RBFOX3: variants seen among roughly 807,000 people sequenced by gnomAD.
The protein encoded by RBFOX3 is RNA binding fox-1 homolog 3.
RBFOX3 carries 17 observed loss-of-function variants against 48.7 expected under a neutral mutation model. The observed-to-expected ratio is 0.35, with a 90% CI of 0.24 to 0.52. The LOEUF is 0.52. Among genes scored for constraint, RBFOX3 ranks in the 20% least tolerant of loss-of-function variants. The pLI, the probability that RBFOX3 is intolerant of heterozygous loss-of-function variation, is 0.94. For missense variants in RBFOX3, 382 were observed against 497.5 expected, an observed-to-expected ratio of 0.77 and a Z score of 2.21; for synonymous variants, 212 against 209.5, an observed-to-expected ratio of 1.01 and a Z score of -0.10.
intron 1 of RBFOX3, among the ~76,000 whole-genome samples, chr17:79,588,567 A>G (rs2093323322): frequency 6.6e-6 from 1 of 152,102 alleles, no homozygotes; most frequent in Non-Finnish European, 1.5e-5. Context: ...AGCCCACCCC[A>G]CACCCCCTTC....
At chr17:79,449,446 C>T (rs1267684155) in intron 2 of RBFOX3, among the ~76,000 whole-genome samples, 6 of 152,194 alleles carry the variant, frequency 3.9e-5, no homozygotes, top group African/African-American at 1.4e-4. Flanking sequence ...TGGGCTCTCC[C>T]CAAAGCTCAC....
At chr17:79,216,361 G>A (rs745662491) in intron 4 of RBFOX3, among the ~76,000 whole-genome samples, 8 of 152,242 alleles carry the variant, frequency 5.3e-5, no homozygotes, top group Non-Finnish European at 1.2e-4. Flanking sequence ...TGGAGACCAT[G>A]GGGACCACGG....
intron 1 of RBFOX3, among the ~76,000 whole-genome samples, chr17:79,575,078 C>A (rs959970772): frequency 6.6e-6 from 1 of 152,200 alleles, no homozygotes; most frequent in African/African-American, 2.4e-5. Context: ...GGGTCTACCC[C>A]CTAGGTTCTG....
At chr17:79,306,431 C>G (rs546180498) in intron 3 of RBFOX3, among the ~76,000 whole-genome samples, 39 of 152,372 alleles carry the variant, frequency 2.6e-4, no homozygotes, top group African/African-American at 8.4e-4. Flanking sequence ...GCAACGGAGC[C>G]TGCTGCCAGC....
intron 5 of RBFOX3, among the ~76,000 whole-genome samples, chr17:79,112,655 T>A (rs2032213446): frequency 6.6e-6 from 1 of 151,844 alleles, no homozygotes; most frequent in Admixed American, 6.6e-5. Context: ...GACCCTGCCG[T>A]CTAGGGGCCG....
At chr17:79,167,124 T>C (rs1447560829) in intron 4 of RBFOX3, among the ~76,000 whole-genome samples, 1 of 152,192 alleles carries the variant, frequency 6.6e-6, no homozygotes, top group Non-Finnish European at 1.5e-5. Flanking sequence ...GCCGCAGTTC[T>C]TCTCTTCTGT....
chr17:79,627,409 C>T, the RBFOX3 span, among the ~76,000 whole-genome samples: 99 of 152,274 alleles, frequency 6.5e-4, no homozygotes, highest in Admixed American at 2.5e-3. Context: ...TTGCCTGTGC[C>T]GAGGGCCTGG....
At chr17:79,592,802 C>T (rs2093461405) in intron 1 of RBFOX3, among the ~76,000 whole-genome samples, 1 of 152,200 alleles carries the variant, frequency 6.6e-6, no homozygotes. Flanking sequence ...GGGAAATGTA[C>T]AGCAGTCCTG....
At chr17:79,456,133 C>T (rs1341227996) in intron 2 of RBFOX3, among the ~76,000 whole-genome samples, 2 of 152,142 alleles carry the variant, frequency 1.3e-5, no homozygotes, top group Non-Finnish European at 2.9e-5. Flanking sequence ...TGAAGGACAT[C>T]ACACTGACAG....
chr17:79,456,830 A>G (rs1409789766), intron 2 of RBFOX3, among the ~76,000 whole-genome samples: 1 of 151,924 alleles, frequency 6.6e-6, no homozygotes, highest in Non-Finnish European at 1.5e-5. Flanking sequence ...AGTCAGTCCC[A>G]CTGCCTGGAC....
chr17:79,147,605 C>T (rs1305304028), intron 4 of RBFOX3, among the ~76,000 whole-genome samples: 1 of 152,192 alleles, frequency 6.6e-6, no homozygotes, highest in Non-Finnish European at 1.5e-5. Context: ...CATGGCTGTC[C>T]CCTGCCCTTG....
intron 1 of RBFOX3, among the ~76,000 whole-genome samples, chr17:79,561,566 A>C (rs1330982226): frequency 6.6e-6 from 1 of 152,168 alleles, no homozygotes; most frequent in Non-Finnish European, 1.5e-5. Flanking sequence ...CCATCAGCCG[A>C]TGTCACCGCT....
intron 1 of RBFOX3, among the ~76,000 whole-genome samples, chr17:79,509,136 G>T (rs2083669236): frequency 6.6e-6 from 1 of 151,902 alleles, no homozygotes; most frequent in South Asian, 2.1e-4. Flanking sequence ...CCGGCCCTGG[G>T]GTCTAAATCA....
chr17:79,387,836 A>C (rs1389155153), intron 2 of RBFOX3, among the ~76,000 whole-genome samples: 1 of 152,250 alleles, frequency 6.6e-6, no homozygotes. Flanking sequence ...GAGCAGGACC[A>C]GACTAACGTG....
chr17:79,589,929 G>C (rs2093368270), intron 1 of RBFOX3, among the ~76,000 whole-genome samples: 2 of 152,152 alleles, frequency 1.3e-5, no homozygotes, highest in Admixed American at 1.3e-4. Flanking sequence ...TAAAATGACA[G>C]ATTCTGGAAA....
intron 1 of RBFOX3, among the ~76,000 whole-genome samples, chr17:79,511,263 C>T (rs1326165252): frequency 2.0e-5 from 3 of 152,312 alleles, no homozygotes; most frequent in East Asian, 1.9e-4. Context: ...TCCGCTTAGA[C>T]GAAACTCTGT....
intron 2 of RBFOX3, among the ~76,000 whole-genome samples, chr17:79,383,145 A>G (rs530208204): frequency 6.6e-6 from 1 of 152,116 alleles, no homozygotes; most frequent in South Asian, 2.1e-4. Flanking sequence ...TCCTCTTGAG[A>G]TCACAGCACA....
intron 4 of RBFOX3, among the ~76,000 whole-genome samples, chr17:79,153,250 A>T (rs1822822020): frequency 6.6e-6 from 1 of 152,150 alleles, no homozygotes; most frequent in South Asian, 2.1e-4. Flanking sequence ...ACCACCTGTG[A>T]TCACCCCATT....
At chr17:79,305,057 A>T (rs1250317026) in intron 3 of RBFOX3, among the ~76,000 whole-genome samples, 1 of 152,140 alleles carries the variant, frequency 6.6e-6, no homozygotes, top group African/African-American at 2.4e-5. Context: ...CTCTCAGAGG[A>T]TGCTGTTTCA....
Sources: gnomAD v4.1 joint callset for allele counts (sites outside exome capture counted in the v4.1 genomes callset) on GRCh38, gnomAD v4.1.1 for gene constraint, MANE v1.5 for transcripts, NCBI Gene and HGNC (gene_info 2026-07-23, HGNC 2026-07-21) for gene names.